The following CSGALNACT1 variants were observed in gnomAD, a reference collection of about 807,000 sequenced individuals.
CSGALNACT1 encodes the protein beta4GalNAcT-1.
A neutral mutation model predicts 51.0 loss-of-function variants in CSGALNACT1; 52 were observed. The ratio of observed to expected loss-of-function variants is 1.02; its 90% CI spans 0.82 to 1.29. CSGALNACT1 has a LOEUF of 1.29. Among genes scored for constraint, CSGALNACT1 ranks in the 50% most tolerant of loss-of-function variants. The probability of loss-of-function intolerance (pLI) is 0.00; values close to 1 mark genes in which losing one functional copy is unlikely to be tolerated. For missense variants in CSGALNACT1, 935 were observed against 679.2 expected (o/e 1.38, Z -4.19); for synonymous variants, 341 against 254.4 (o/e 1.34, Z -3.24).
At chr8:19,753,349 A>ATT (rs111761311) in intron 1 of CSGALNACT1, among the ~76,000 whole-genome samples, 6 of 146,804 alleles carry the variant, frequency 4.1e-5, no homozygotes, top group Non-Finnish European at 6.0e-5. Context: ...CTAGACCTTG[A>ATT]TTTTTTAAAA....
intron 3 of CSGALNACT1, among the ~76,000 whole-genome samples, chr8:19,545,060 G>A (rs1020031460): frequency 2.0e-5 from 3 of 151,982 alleles, no homozygotes; most frequent in Non-Finnish European, 4.4e-5. Context: ...CGACGACACA[G>A]CGACTCCTGG....
At chr8:19,600,011 G>A (rs1244607515) in intron 2 of CSGALNACT1, among the ~76,000 whole-genome samples, 1 of 152,168 alleles carries the variant, frequency 6.6e-6, no homozygotes, top group Non-Finnish European at 1.5e-5. Flanking sequence ...AGCCTTGTGT[G>A]TTAAACATAT....
chr8:19,726,605 T>C (rs1456755493), intron 1 of CSGALNACT1, among the ~76,000 whole-genome samples: 1 of 152,092 alleles, frequency 6.6e-6, no homozygotes, highest in Non-Finnish European at 1.5e-5. Context: ...AGATCTACTC[T>C]CTCAGCAATT....
chr8:19,535,746 C>T (rs1343270522), intron 3 of CSGALNACT1, among the ~76,000 whole-genome samples: 1 of 152,094 alleles, frequency 6.6e-6, no homozygotes, highest in African/African-American at 2.4e-5. Flanking sequence ...ATCTTATCAA[C>T]TGATGTCAAA....
chr8:19,717,919 T>TGCTCAGAGGCAGGCACC (rs2062903314), intron 1 of CSGALNACT1, among the ~76,000 whole-genome samples: 1 of 152,248 alleles, frequency 6.6e-6, no homozygotes, highest in African/African-American at 2.4e-5. Flanking sequence ...CCTCAGGCAC[T>TGCTCAGAGGCAGGCACC]GCTCAGAGGC....
intron 1 of CSGALNACT1, among the ~76,000 whole-genome samples, chr8:19,702,874 A>G (rs1462037636): frequency 1.3e-5 from 2 of 152,150 alleles, no homozygotes; most frequent in South Asian, 2.1e-4. Flanking sequence ...GAATCAGTGT[A>G]GCCCAGCCCC....
At chr8:19,535,236 A>G (rs1004959297) in intron 3 of CSGALNACT1, among the ~76,000 whole-genome samples, 3 of 152,220 alleles carry the variant, frequency 2.0e-5, no homozygotes, top group Non-Finnish European at 4.4e-5. Context: ...CCTATGTTTA[A>G]TTTTATGAAA....
intron 2 of CSGALNACT1, among the ~76,000 whole-genome samples, chr8:19,597,417 C>G (rs2049190489): frequency 6.7e-6 from 1 of 148,436 alleles, no homozygotes; most frequent in African/African-American, 2.5e-5. Context: ...CGCCTTTGCT[C>G]CCAAGTAGCT....
At chr8:19,643,998 G>A (rs2057003203) in intron 1 of CSGALNACT1, among the ~76,000 whole-genome samples, 1 of 152,348 alleles carries the variant, frequency 6.6e-6, no homozygotes, top group South Asian at 2.1e-4. Context: ...ATGCAGTCAT[G>A]TGTACATAGG....
At chr8:19,538,028 G>T (rs532031609) in intron 3 of CSGALNACT1, among the ~76,000 whole-genome samples, 17 of 152,154 alleles carry the variant, frequency 1.1e-4, no homozygotes, top group Non-Finnish European at 1.8e-4. Flanking sequence ...CAGATATAAA[G>T]AACACTTGGT....
In CSGALNACT1 at chr8:19,486,635, G is replaced by C. The variant is rs547343427; in HGVS notation, c.634+18566C>G. On this transcript the variant is annotated intron_variant, in intron 4 of 9. Coordinates refer to ENST00000454498, the Ensembl canonical transcript of CSGALNACT1. Reference sequence around the variant, plus strand: ...TGGGTGGCCACCTCTTTCTCTTCAAGTTTCTGCTCCAATATCACCTACTCA... The same window carrying C: ...TGGGTGGCCACCTCTTTCTCTTCAACTTTCTGCTCCAATATCACCTACTCA... Among the ~76,000 whole-genome samples, 7 of 152,170 alleles carry C rather than the reference G, an allele frequency of 4.6e-5. No homozygotes were observed. In the South Asian group the frequency reaches 1.5e-3, roughly 32 times the overall value.
intron 4 of CSGALNACT1, among the ~76,000 whole-genome samples, chr8:19,499,627 T>C (rs1230614819): frequency 6.6e-6 from 1 of 152,210 alleles, no homozygotes; most frequent in Non-Finnish European, 1.5e-5. Flanking sequence ...CCCCAGTCCA[T>C]GGTCAAAAGA....
chr8:19,424,952 GGA>G (rs1206999745), intron 6 of CSGALNACT1, among the ~76,000 whole-genome samples: 1 of 152,180 alleles, frequency 6.6e-6, no homozygotes, highest in Non-Finnish European at 1.5e-5. Flanking sequence ...TAACCAGCCA[GGA>G]GCAGATGATT....
chr8:19,733,895 C>G (rs1350009335), intron 1 of CSGALNACT1, among the ~76,000 whole-genome samples: 1 of 152,130 alleles, frequency 6.6e-6, no homozygotes, highest in Admixed American at 6.5e-5. Context: ...CAGCTTATCT[C>G]CAGCTTAGAA....
chr8:19,444,143 G>T (rs2061749831), intron 5 of CSGALNACT1, among the ~76,000 whole-genome samples: 1 of 152,196 alleles, frequency 6.6e-6, no homozygotes, highest in Admixed American at 6.5e-5. Flanking sequence ...ATGGTGTGTG[G>T]ACCAGGAGTT....
At chr8:19,651,930 GT>G (rs201687449) in intron 1 of CSGALNACT1, among the ~76,000 whole-genome samples, 87 of 145,670 alleles carry the variant, frequency 6.0e-4, no homozygotes, top group African/African-American at 2.2e-3. Context: ...TTTTTGTTTT[GT>G]TTTGTTTTGA....
At position 19,670,161 on chromosome 8, in the gene CSGALNACT1, C is replaced by T. The variant is rs1215961722; in HGVS notation, c.-544+12312G>A. ...CAATCTGTAATGTGGCTTTCCTACT[C>T]ATCCTGGGCACTGTTTTTGCACTTA... On this transcript the variant is annotated intron_variant, in intron 1 of 9. Transcript: ENST00000332246. 3.3e-5 allele frequency among the ~76,000 whole-genome samples: 5 copies of T among 152,296 alleles called. 1 individual carries two copies. The South Asian group carries it at 1.0e-3, about 32-fold the overall frequency.
chr8:19,676,968 A>G (rs897809573), intron 1 of CSGALNACT1, among the ~76,000 whole-genome samples: 2 of 152,238 alleles, frequency 1.3e-5, no homozygotes, highest in South Asian at 2.1e-4. Flanking sequence ...TAGCATTGAC[A>G]AGACCAGTCT....
chr8:19,433,512 C>T (rs2153732031), intron 6 of CSGALNACT1, among the ~76,000 whole-genome samples: 1 of 152,332 alleles, frequency 6.6e-6, no homozygotes, highest in South Asian at 2.1e-4. Flanking sequence ...TAACCACTGC[C>T]TCGGGCAGCC....
Sources: gnomAD v4.1 joint callset for allele counts (sites outside exome capture counted in the v4.1 genomes callset) on GRCh38, gnomAD v4.1.1 for gene constraint, MANE v1.5 for transcripts, NCBI Gene and HGNC (gene_info 2026-07-23, HGNC 2026-07-21) for gene names.